The following MAP2K5 variants were observed in gnomAD, a reference collection of about 807,000 sequenced individuals.
The protein encoded by MAP2K5 is mitogen-activated protein kinase kinase 5, also known as dual specificity mitogen-activated protein kinase kinase 5.
MAP2K5 carries 49 observed loss-of-function variants against 83.1 expected under a neutral mutation model. The observed-to-expected ratio is 0.59, with a 90% confidence interval of 0.47 to 0.75. The LOEUF (loss-of-function observed/expected upper bound fraction) is 0.75, where lower values mean the gene tolerates loss of function less well. Ranked by LOEUF, MAP2K5 falls within the 30% of genes least tolerant of loss-of-function variation. The pLI is 0.00. For missense variants in MAP2K5, 457 were observed against 557.5 expected (o/e 0.82, Z 1.82); for synonymous variants, 202 against 191.8 (o/e 1.05, Z -0.44).
intron 8 of MAP2K5, among the ~76,000 whole-genome samples, chr15:67,616,906 T>A (rs1360134966): frequency 3.9e-5 from 6 of 152,180 alleles, no homozygotes; most frequent in African/African-American, 1.4e-4. Context: ...ACAGAGTAAT[T>A]GTGTCCCTCT....
intron 6 of MAP2K5, among the ~76,000 whole-genome samples, chr15:67,589,071 C>T (rs560819356): frequency 6.6e-6 from 1 of 152,040 alleles, no homozygotes; most frequent in East Asian, 1.9e-4. Context: ...TCTCAAACTC[C>T]TGGCTCAAGC....
chr15:67,606,721 T>C (rs912314650), intron 8 of MAP2K5, among the ~76,000 whole-genome samples: 1 of 152,220 alleles, frequency 6.6e-6, no homozygotes, highest in African/African-American at 2.4e-5. Flanking sequence ...TGGAATCATA[T>C]TAGCTCATTA....
rs1043454795 is a variant in MAP2K5, at chr15:67,750,476, T to C, written c.1134+1875T>C. On this transcript the variant is annotated intron_variant, in intron 19 of 21. Coordinates refer to ENST00000178640, the MANE Select transcript of MAP2K5 (RefSeq NM_145160.3). The surrounding 1 kb of genome is among the most constrained non-coding windows in gnomAD (Gnocchi z 4.2). ...TCCTGTACTTACTGCACTTGTCCTA[T>C]GTGTCTGTCAGAGTTCTCATTGCTG... 2.0e-5 allele frequency among the ~76,000 whole-genome samples: 3 copies of C among 152,224 alleles called. No individual in the cohort carries two copies. The highest frequency in any genetic ancestry group is 4.4e-5 in the Non-Finnish European group (3 of 68,034).
intron 21 of MAP2K5, among the ~76,000 whole-genome samples, chr15:67,792,563 C>G (rs1284245751): frequency 6.6e-6 from 1 of 152,204 alleles, no homozygotes; most frequent in African/African-American, 2.4e-5. Context: ...GCTCATTTCC[C>G]TGGTCCTTTC....
In MAP2K5 at chr15:67,690,709, T is replaced by C. The variant is rs977200396; in HGVS notation, c.848-1770T>C. Among the ~76,000 whole-genome samples, 1 of 152,014 alleles carries C rather than the reference T, an allele frequency of 6.6e-6. No individual in the cohort carries two copies. Among genetic ancestry groups the C allele is most frequent in the African/African-American group, 2.4e-5 (1 of 41,372 alleles). On this transcript the variant is annotated intron_variant, in intron 13 of 21. Coordinates refer to ENST00000178640, the MANE Select transcript of MAP2K5 (RefSeq NM_145160.3). The surrounding 1 kb of genome is among the most constrained non-coding windows in gnomAD (Gnocchi z 4.3). ...CCACCACGCCCGGCTAATTTTTGTATTTTTAGTAGAGATGAGGTTTTGCCA... is the reference window on the plus strand; with the variant it reads ...CCACCACGCCCGGCTAATTTTTGTACTTTTAGTAGAGATGAGGTTTTGCCA...
chr15:67,732,175 A>G (rs1457582481), intron 17 of MAP2K5, among the ~76,000 whole-genome samples: 1 of 152,226 alleles, frequency 6.6e-6, no homozygotes, highest in Admixed American at 6.5e-5. Context: ...AGGTCTAGAC[A>G]AGGACTGGAG....
chr15:67,698,291 G>A lies in MAP2K5; in HGVS notation c.972+4723G>A, dbSNP rs868868015. 2.0e-5 allele frequency among the ~76,000 whole-genome samples: 3 copies of A among 151,978 alleles called. No individual in the cohort carries two copies. Among genetic ancestry groups the A allele is most frequent in the Non-Finnish European group, 4.4e-5 (3 of 68,000 alleles). On this transcript the variant is annotated intron_variant, in intron 15 of 21. Transcript: ENST00000178640. The surrounding 1 kb of genome is among the most constrained non-coding windows in gnomAD (Gnocchi z 4.5). The stretch of plus-strand genomic sequence containing the variant: ...CAACCTCTGTCCCCTGGGTTCAAGC[G>A]ATTCTCCTGCCTCAGCCTCCAGAGT...
chr15:67,688,196 A>G (rs1322405760), intron 13 of MAP2K5, among the ~76,000 whole-genome samples: 1 of 152,218 alleles, frequency 6.6e-6, no homozygotes, highest in Non-Finnish European at 1.5e-5. Flanking sequence ...GCTGAAGCAG[A>G]GTGGGCATGG....
rs2090548023 is a variant in MAP2K5 at position 67,793,218 on chromosome 15, G to C, written c.1243-13428G>C. 6.6e-6 allele frequency among the ~76,000 whole-genome samples: 1 copy of C among 152,152 alleles called. No homozygotes were observed. The highest frequency in any genetic ancestry group is 6.5e-5 in the Admixed American group (1 of 15,278). On this transcript the variant is annotated intron_variant, in intron 21 of 21. Coordinates refer to ENST00000178640, the MANE Select transcript of MAP2K5 (RefSeq NM_145160.3). This position sits in a 1 kb window ranked among gnomAD's most constrained non-coding sequence, Gnocchi z 4.6. Reference sequence around the variant, plus strand: ...CCCAGGAGTTCAAAGGTGTAGTGCGGAATGATTGTGCTTGTGAATAGCCAC... The same window carrying C: ...CCCAGGAGTTCAAAGGTGTAGTGCGCAATGATTGTGCTTGTGAATAGCCAC...
At position 67,777,965 on chromosome 15, in the gene MAP2K5, C is replaced by T. The variant is rs1051308403; in HGVS notation, c.1242+5213C>T. Among the ~76,000 whole-genome samples, 8 of 152,174 alleles carry T rather than the reference C, an allele frequency of 5.3e-5. No homozygotes were observed. The highest frequency in any genetic ancestry group is 7.4e-5 in the Non-Finnish European group (5 of 68,024). ...TGGCATTAGAAATACAACAAGTTGG[C>T]ATGGGTCCTAGAAGGCGGGGTATCA... is the stretch of plus-strand genomic sequence containing the variant. On this transcript the variant is annotated intron_variant, in intron 21 of 21. Transcript: ENST00000178640. The surrounding 1 kb of genome is among the most constrained non-coding windows in gnomAD (Gnocchi z 6.0).
intron 8 of MAP2K5, among the ~76,000 whole-genome samples, chr15:67,624,634 T>A (rs927959788): frequency 2.3e-5 from 3 of 130,798 alleles, no homozygotes; most frequent in East Asian, 2.4e-4. Context: ...TGTGTGTGTG[T>A]GTGTGAGTGT....
chr15:67,767,976 T>A (rs1372402760), intron 19 of MAP2K5, among the ~76,000 whole-genome samples: 1 of 152,196 alleles, frequency 6.6e-6, no homozygotes, highest in Non-Finnish European at 1.5e-5. Context: ...GATGAATAGA[T>A]TAAATTTAAA....
chr15:67,628,463 GA>G, intron 8 of MAP2K5: 1 of 584,550 alleles, frequency 1.7e-6, no homozygotes, highest in South Asian at 2.1e-5. Context: ...CTGGGCGACA[GA>G]GCGAGACTCC....
chr15:67,806,711 G>T lies in MAP2K5; in HGVS notation c.1308G>T (p.Arg436=). 1 of 1,552,182 alleles carries T rather than the reference G, an allele frequency of 6.4e-7. No homozygotes were observed. ...NAAVVSMWVC[R]ALEERRSQQG... Reference sequence around the variant, plus strand: ...CCGTGGTGTCCATGTGGGTGTGCCGGGCGCTGGAGGAGAGGCGGAGCCAGC... The same window carrying T: ...CCGTGGTGTCCATGTGGGTGTGCCGTGCGCTGGAGGAGAGGCGGAGCCAGC... The change falls in exon 22 of 22, where the codon CGG becomes CGT. Residue 436 remains arginine (R), a synonymous_variant. Transcript: ENST00000178640.
intron 15 of MAP2K5, 62 bp from the exon 16 acceptor site, chr15:67,703,275 G>T: frequency 8.2e-7 from 1 of 1,215,388 alleles, no homozygotes. Context: ...AGCTTATTTT[G>T]GTGTATGTGT....
chr15:67,558,668 T>G (rs1217289259), intron 2 of MAP2K5, among the ~76,000 whole-genome samples: 4 of 152,198 alleles, frequency 2.6e-5, no homozygotes, highest in African/African-American at 9.7e-5. Context: ...CCCAAACCTC[T>G]CATTCTGTTC....
At chr15:67,583,252 ATATAAT>A (rs1157244440) in intron 4 of MAP2K5, among the ~76,000 whole-genome samples, 2 of 152,198 alleles carry the variant, frequency 1.3e-5, no homozygotes, top group Admixed American at 6.5e-5. Context: ...ATATATTAAA[ATATAAT>A]TAGAGTGTGC....
At chr15:67,726,764 A>T (rs1245497854) in intron 16 of MAP2K5, among the ~76,000 whole-genome samples, 1 of 152,232 alleles carries the variant, frequency 6.6e-6, no homozygotes, top group African/African-American at 2.4e-5. Context: ...CATTAGCGTT[A>T]AAGTCCCTGA....
chr15:67,795,930 C>T (rs2090597117), intron 21 of MAP2K5, among the ~76,000 whole-genome samples: 1 of 152,156 alleles, frequency 6.6e-6, no homozygotes, highest in African/African-American at 2.4e-5. Flanking sequence ...ATTGTGTCTT[C>T]ATTTCAAAGT....
Sources: allele counts gnomAD v4.1 joint callset (sites outside exome capture counted in the v4.1 genomes callset), GRCh38; gene constraint gnomAD v4.1.1; non-coding constraint Gnocchi (gnomAD v3.1); transcripts MANE v1.5; gene names NCBI Gene and HGNC (gene_info 2026-07-23, HGNC 2026-07-21).